SLC25A28: variants seen among roughly 807,000 people sequenced by gnomAD.
The protein encoded by SLC25A28 is solute carrier family 25 member 28.
Under a neutral mutation model 31.9 loss-of-function variants are expected in SLC25A28, and 10 were observed. The observed-to-expected ratio is 0.31, with a 90% CI of 0.19 to 0.53. The LOEUF (loss-of-function observed/expected upper bound fraction) is 0.53, where lower values mean the gene tolerates loss of function less well. Among genes scored for constraint, SLC25A28 ranks in the 20% least tolerant of loss-of-function variants. SLC25A28 has a pLI of 0.95. For synonymous variants in SLC25A28, 208 were observed against 203.6 expected (o/e 1.02, Z -0.19); for missense variants, 256 against 490.3 (o/e 0.52, Z 4.51).
At chr10:99,639,911 T>C in the SLC25A28 span, among the ~76,000 whole-genome samples, 3 of 152,046 alleles carry the variant, frequency 2.0e-5, no homozygotes, top group African/African-American at 7.2e-5. Context: ...GTTATGTGTG[T>C]ACCCAGCAGT....
At chr10:99,630,095 G>A in the SLC25A28 span, among the ~76,000 whole-genome samples, 1 of 152,060 alleles carries the variant, frequency 6.6e-6, no homozygotes, top group African/African-American at 2.4e-5. Context: ...TCATACCAGT[G>A]GCTCTCAAAT....
chr10:99,627,568 G>A, the SLC25A28 span, among the ~76,000 whole-genome samples: 1 of 151,638 alleles, frequency 6.6e-6, no homozygotes, highest in African/African-American at 2.4e-5. Context: ...TGTCCCCCAA[G>A]TAGCTGGGAC....
the SLC25A28 span, among the ~76,000 whole-genome samples, chr10:99,631,878 A>ATGTTTT: frequency 1.1e-5 from 1 of 92,902 alleles, no homozygotes; most frequent in African/African-American, 4.1e-5. Context: ...TCAGTATGTT[A>ATGTTTT]TTTTTTTTTT....
upstream of SLC25A28, chr10:99,621,505 T>A (rs1484158856): frequency 6.6e-6 from 1 of 152,324 alleles, no homozygotes; most frequent in Non-Finnish European, 1.5e-5. Flanking sequence ...ATCAGTATTT[T>A]GTCCCTGAGC....
At chr10:99,637,746 C>T in the SLC25A28 span, among the ~76,000 whole-genome samples, 49 of 152,046 alleles carry the variant, frequency 3.2e-4, no homozygotes, top group African/African-American at 1.1e-3. Context: ...ACTAAGGAGG[C>T]GAAAGACCTC....
chr10:99,624,255 TTC>T (rs71009767), upstream of SLC25A28, among the ~76,000 whole-genome samples: 2 of 148,778 alleles, frequency 1.3e-5, no homozygotes, highest in East Asian at 2.0e-4. Flanking sequence ...TTCTTTTTCT[TTC>T]TCTCTCTCTC....
chr10:99,611,801 G>C lies in SLC25A28; in HGVS notation c.578-435C>G, dbSNP rs142613977. ...AGAGCACCTAACTTTTAAAATGTGA[G>C]ATGGTGATCCTCCTAGAGGGGAGGA... is the stretch of plus-strand genomic sequence containing the variant. On this transcript the variant is annotated intron_variant, in intron 3 of 3. Transcript: ENST00000370495. The surrounding 1 kb of genome is among the most constrained non-coding windows in gnomAD (Gnocchi z 5.5). 6.6e-6 allele frequency among the ~76,000 whole-genome samples: 1 copy of C among 152,184 alleles called. No homozygotes were observed. Among genetic ancestry groups the C allele is most frequent in the Non-Finnish European group, 1.5e-5 (1 of 68,040 alleles).
the SLC25A28 span, among the ~76,000 whole-genome samples, chr10:99,644,279 G>C: frequency 3.2e-4 from 48 of 152,306 alleles, no homozygotes; most frequent in Admixed American, 6.5e-4. Context: ...ATTTAGGATA[G>C]TTAGCTCTTC....
chr10:99,629,242 C>A, the SLC25A28 span, among the ~76,000 whole-genome samples: 7 of 152,160 alleles, frequency 4.6e-5, no homozygotes, highest in Non-Finnish European at 8.8e-5. Flanking sequence ...CACCTCCTGC[C>A]CCATGCCCCT....
intron 1 of SLC25A28, among the ~76,000 whole-genome samples, chr10:99,614,969 A>C (rs544547360): frequency 6.6e-6 from 1 of 152,342 alleles, no homozygotes; most frequent in Admixed American, 6.5e-5. Flanking sequence ...TATCAGCTAC[A>C]ATCACTGGTG....
In SLC25A28 at chr10:99,610,620, T is replaced by C; in HGVS notation, c.*229A>G. On this transcript the variant is annotated 3_prime_UTR_variant, in exon 4 of 4. Coordinates refer to ENST00000370495, the MANE Select transcript of SLC25A28 (RefSeq NM_031212.4). ...CATCAGGCCCAGGATGGAGAGAGGT[T>C]ATCAAAGGTGCTGTGGTGTGCTTTG... 1 of 566,914 alleles carries C rather than the reference T, an allele frequency of 1.8e-6. No homozygotes were observed. Among genetic ancestry groups the C allele is most frequent in the African/African-American group, 1.9e-5 (1 of 53,440 alleles). The allele number at this position is 566,914 out of a possible 1,614,324, so 35.1% of individuals were successfully genotyped here.
At chr10:99,626,968 A>G in the SLC25A28 span, among the ~76,000 whole-genome samples, 1 of 152,110 alleles carries the variant, frequency 6.6e-6, no homozygotes, top group Non-Finnish European at 1.5e-5. Context: ...TTTTATGGCC[A>G]GATATGGTGG....
intron 1 of SLC25A28, chr10:99,617,464 T>G (rs529219416): frequency 1.0e-6 from 1 of 985,088 alleles, no homozygotes; most frequent in Admixed American, 6.2e-5. Context: ...TCCAACAACA[T>G]GGATATCTGC....
At chr10:99,612,636 A>G (rs2034556116) in intron 2 of SLC25A28, 37 bp from the exon 3 acceptor site, 3 of 1,613,782 alleles carry the variant, frequency 1.9e-6, no homozygotes, top group Non-Finnish European at 2.5e-6. Context: ...TGTAAGGCCA[A>G]GAGAGCTGAC....
chr10:99,645,630 A>G, the SLC25A28 span, among the ~76,000 whole-genome samples: 1 of 152,184 alleles, frequency 6.6e-6, no homozygotes, highest in Non-Finnish European at 1.5e-5. Flanking sequence ...GGAGGAGAAG[A>G]GGTGCTCTGA....
At chr10:99,649,454 T>C in the SLC25A28 span, among the ~76,000 whole-genome samples, 1 of 152,246 alleles carries the variant, frequency 6.6e-6, no homozygotes, top group African/African-American at 2.4e-5. Context: ...ATCAGGATGA[T>C]ACTGGCCTTG....
intron 1 of SLC25A28, among the ~76,000 whole-genome samples, chr10:99,614,351 C>T (rs778234660): frequency 6.6e-6 from 1 of 152,206 alleles, no homozygotes; most frequent in Admixed American, 6.5e-5. Context: ...GCCCCTGGCC[C>T]TGCTTCATGA....
At chr10:99,620,454 C>T (rs967740603), upstream of SLC25A28, 13 of 1,047,550 alleles carry the variant, frequency 1.2e-5, no homozygotes, top group African/African-American at 2.1e-4. Flanking sequence ...CCTCCGGCTC[C>T]CGCTTGGCCC....
At position 99,610,798 on chromosome 10, in the gene SLC25A28, G is replaced by T; in HGVS notation, c.*51C>A. The T allele has an allele frequency of 1.9e-6, 3 of 1,572,466 alleles. No individual in the cohort carries two copies. The South Asian group carries it at 3.5e-5, about 19-fold the overall frequency. On this transcript the variant is annotated 3_prime_UTR_variant, in exon 4 of 4. Transcript: ENST00000370495. ...GAGCATTCCAGGAGACAGAGAATGTGACCAGGATGCAGCAGTGTCATCTGA... is the reference window on the plus strand; with the variant it reads ...GAGCATTCCAGGAGACAGAGAATGTTACCAGGATGCAGCAGTGTCATCTGA...
Sources: gnomAD v4.1 joint callset for allele counts (sites outside exome capture counted in the v4.1 genomes callset) on GRCh38, gnomAD v4.1.1 for gene constraint, Gnocchi (gnomAD v3.1) non-coding constraint, MANE v1.5 for transcripts, NCBI Gene and HGNC (gene_info 2026-07-23, HGNC 2026-07-21) for gene names.